The following NHERF1 variants were observed in gnomAD, a reference collection of about 807,000 sequenced individuals.
NHERF1 encodes Na(+)/H(+) exchange regulatory cofactor NHE-RF1.
the NHERF1 span, chr17:74,768,056 C>G: frequency 7.7e-6 from 7 of 904,480 alleles, no homozygotes; most frequent in Non-Finnish European, 1.3e-5. Context: ...TCTTCTCAGT[C>G]TGAGGCCCCT....
At chr17:74,754,311 G>A in the NHERF1 span, among the ~76,000 whole-genome samples, 1 of 152,008 alleles carries the variant, frequency 6.6e-6, no homozygotes, top group Non-Finnish European at 1.5e-5. Flanking sequence ...TACCTGGAAG[G>A]AAACAGGTTT....
chr17:74,760,818 T>G, the NHERF1 span, among the ~76,000 whole-genome samples: 1 of 152,174 alleles, frequency 6.6e-6, no homozygotes, highest in Non-Finnish European at 1.5e-5. This position sits in a 1 kb window ranked among gnomAD's most constrained non-coding sequence, Gnocchi z 4.5. Context: ...CAGATGGCAG[T>G]CAGAATGATC....
At chr17:74,756,278 T>TTTC in the NHERF1 span, among the ~76,000 whole-genome samples, 1 of 119,994 alleles carries the variant, frequency 8.3e-6, no homozygotes, top group African/African-American at 3.1e-5. Flanking sequence ...TCTTTCTTTT[T>TTTC]TTTTTTTTTT....
chr17:74,768,522 T>A, the NHERF1 span: 196 of 1,613,510 alleles, frequency 1.2e-4, no homozygotes, highest in Non-Finnish European at 1.5e-4. Flanking sequence ...CTCGTCTACC[T>A]CCTCCTCCGA....
chr17:74,768,878 CCTCA>C, the NHERF1 span: 3 of 573,864 alleles, frequency 5.2e-6, no homozygotes, highest in Non-Finnish European at 9.4e-6. Flanking sequence ...CCTCCCTCCT[CCTCA>C]CTGAGTGCCT....
chr17:74,762,609 G>A, the NHERF1 span, among the ~76,000 whole-genome samples: 2 of 151,770 alleles, frequency 1.3e-5, no homozygotes, highest in Admixed American at 6.6e-5. The surrounding 1 kb of genome is among the most constrained non-coding windows in gnomAD (Gnocchi z 4.2). Context: ...GGCTGGGGGA[G>A]TGCAGTGGCA....
At chr17:74,752,224 C>T in the NHERF1 span, among the ~76,000 whole-genome samples, 2 of 151,938 alleles carry the variant, frequency 1.3e-5, no homozygotes, top group African/African-American at 4.8e-5. Flanking sequence ...CGCCTGAGCC[C>T]AGGAGTTTGA....
chr17:74,761,500 G>A, the NHERF1 span, among the ~76,000 whole-genome samples: 1 of 152,186 alleles, frequency 6.6e-6, no homozygotes, highest in Non-Finnish European at 1.5e-5. The surrounding 1 kb of genome is among the most constrained non-coding windows in gnomAD (Gnocchi z 4.3). Context: ...TAAACACACT[G>A]ACCAGCTTTC....
At chr17:74,750,433 G>T in the NHERF1 span, among the ~76,000 whole-genome samples, 24 of 152,170 alleles carry the variant, frequency 1.6e-4, no homozygotes, top group Non-Finnish European at 3.1e-4. Context: ...ACAGAGAAAG[G>T]GCACAGTTCG....
the NHERF1 span, among the ~76,000 whole-genome samples, chr17:74,756,113 TG>T: frequency 2.2e-3 from 323 of 149,650 alleles, no homozygotes; most frequent in African/African-American, 7.7e-3. Flanking sequence ...AGCTGATTTT[TG>T]TATTTTTCTT....
the NHERF1 span, among the ~76,000 whole-genome samples, chr17:74,754,304 C>G: frequency 6.6e-6 from 1 of 152,004 alleles, no homozygotes; most frequent in African/African-American, 2.4e-5. Context: ...GTGGCCCTAC[C>G]TGGAAGGAAA....
the NHERF1 span, among the ~76,000 whole-genome samples, chr17:74,752,781 C>T: frequency 6.6e-6 from 1 of 152,220 alleles, no homozygotes; most frequent in African/African-American, 2.4e-5. Flanking sequence ...CATCTTTTAT[C>T]GCTCTAAACA....
the NHERF1 span, among the ~76,000 whole-genome samples, chr17:74,758,329 G>A: frequency 6.6e-6 from 1 of 152,210 alleles, no homozygotes; most frequent in African/African-American, 2.4e-5. This position sits in a 1 kb window ranked among gnomAD's most constrained non-coding sequence, Gnocchi z 4.3. Flanking sequence ...GGAAGCCTGA[G>A]GGTGGAGGAG....
At chr17:74,759,552 TC>T in the NHERF1 span, among the ~76,000 whole-genome samples, 1 of 152,146 alleles carries the variant, frequency 6.6e-6, no homozygotes, top group Admixed American at 6.5e-5. Flanking sequence ...CCCTGCCCTG[TC>T]ACCCACACCA....
the NHERF1 span, chr17:74,762,923 G>A: frequency 1.8e-3 from 291 of 161,652 alleles, no homozygotes; most frequent in Non-Finnish European, 2.5e-3. This position sits in a 1 kb window ranked among gnomAD's most constrained non-coding sequence, Gnocchi z 4.2. Context: ...GAGGAAACGT[G>A]AACCAAATGC....
At chr17:74,763,282 T>A in the NHERF1 span, 1 of 1,364,340 alleles carries the variant, frequency 7.3e-7, no homozygotes, top group South Asian at 1.3e-5. Context: ...ACCAAGGTGG[T>A]CACCCCTGCC....
chr17:74,754,842 G>A, the NHERF1 span, among the ~76,000 whole-genome samples: 64 of 152,250 alleles, frequency 4.2e-4, 1 homozygote, highest in Admixed American at 3.3e-4. Context: ...TAGGTTGACA[G>A]TAAGTGTTCA....
chr17:74,748,692 C>G, the NHERF1 span: 3 of 649,166 alleles, frequency 4.6e-6, no homozygotes, highest in South Asian at 4.1e-5. This position sits in a 1 kb window ranked among gnomAD's most constrained non-coding sequence, Gnocchi z 4.3. Context: ...TCGCGGCGGC[C>G]GACGGTTCCT....
At chr17:74,753,492 G>A in the NHERF1 span, among the ~76,000 whole-genome samples, 3 of 152,214 alleles carry the variant, frequency 2.0e-5, no homozygotes, top group African/African-American at 4.8e-5. Flanking sequence ...TTGTTTGTGT[G>A]TTGGGATCTC....
Sources: allele counts gnomAD v4.1 joint callset (sites outside exome capture counted in the v4.1 genomes callset), GRCh38; gene constraint gnomAD v4.1.1; non-coding constraint Gnocchi (gnomAD v3.1); transcripts MANE v1.5; gene names NCBI Gene and HGNC (gene_info 2026-07-23, HGNC 2026-07-21).